TNNI3K: variants seen among roughly 807,000 people sequenced by gnomAD.
TNNI3K encodes serine/threonine-protein kinase TNNI3K.
TNNI3K carries 140 observed loss-of-function variants against 114.5 expected under a neutral mutation model. The ratio of observed to expected loss-of-function variants is 1.22; its 90% CI spans 1.07 to 1.41. The LOEUF (loss-of-function observed/expected upper bound fraction) is 1.41. TNNI3K is among the 40% of genes most tolerant of loss of function. TNNI3K has a pLI of 0.00. For missense variants in TNNI3K, 1,125 were observed against 1,007.6 expected (o/e 1.12, Z -1.58); for synonymous variants, 347 against 347.5 (o/e 1.00, Z 0.02).
intron 17 of TNNI3K, among the ~76,000 whole-genome samples, chr1:74,407,512 A>T (rs1664672867): frequency 2.0e-5 from 3 of 152,206 alleles, no homozygotes; most frequent in African/African-American, 7.2e-5. Context: ...TGCATTTGGC[A>T]CAGTCATAGA....
intron 2 of TNNI3K, among the ~76,000 whole-genome samples, chr1:74,238,739 G>C (rs945964721): frequency 6.6e-6 from 1 of 152,000 alleles, no homozygotes; most frequent in Admixed American, 6.6e-5. Flanking sequence ...TGGAGAGAAA[G>C]ACCAATAGCC....
rs144233115 is a variant in TNNI3K at position 74,337,447 on chromosome 1, A to T, written c.682+1298A>T. ...GCCCATGCCTATGTCCTGAATGGTA[A>T]TGCCTAGGTTTTCTTCTAGGGTTTT... On this transcript the variant is annotated intron_variant, in intron 7 of 24. Coordinates refer to ENST00000326637, the MANE Select transcript of TNNI3K (RefSeq NM_015978.3). Among the ~76,000 whole-genome samples the T allele has an allele frequency of 5.5e-3, 841 of 151,970 alleles. 3 individuals carry two copies. The highest frequency in any genetic ancestry group is 0.015 in the African/African-American group (633 of 41,460).
intron 23 of TNNI3K, among the ~76,000 whole-genome samples, chr1:74,524,488 T>A (rs1646476469): frequency 6.6e-6 from 1 of 152,186 alleles, no homozygotes; most frequent in Admixed American, 6.5e-5. Flanking sequence ...AACTTCTCCC[T>A]ATTAAAAAAT....
chr1:74,489,146 C>G (rs750796160), intron 21 of TNNI3K, 43 bp from the exon 22 acceptor site: 1 of 1,561,666 alleles, frequency 6.4e-7, no homozygotes, highest in East Asian at 2.3e-5. Flanking sequence ...GAGTCTCCTT[C>G]CTTTTATTCT....
At chr1:74,472,067 G>A (rs1667961082) in intron 21 of TNNI3K, 1 of 716,352 alleles carries the variant, frequency 1.4e-6, no homozygotes, top group Admixed American at 2.0e-5. Flanking sequence ...CTTTGCCTAT[G>A]AGGGTGTAAG....
intron 9 of TNNI3K, chr1:74,346,301 G>C (rs1185426434): frequency 3.3e-5 from 5 of 152,026 alleles, no homozygotes; most frequent in Non-Finnish European, 5.9e-5. Flanking sequence ...GACAGTAGAT[G>C]GTTTTACCAG....
intron 22 of TNNI3K, among the ~76,000 whole-genome samples, chr1:74,491,268 G>A (rs538433635): frequency 3.4e-4 from 52 of 152,306 alleles, no homozygotes; most frequent in Admixed American, 9.2e-4. Flanking sequence ...TCTCCAGGCT[G>A]GAGTGCAGTG....
intron 20 of TNNI3K, among the ~76,000 whole-genome samples, chr1:74,460,794 C>G (rs1011159750): frequency 2.0e-5 from 3 of 152,202 alleles, no homozygotes; most frequent in African/African-American, 7.2e-5. Flanking sequence ...GTGCTTAAAG[C>G]AAAGGGGAGG....
At chr1:74,449,413 AG>A (rs1426578738) in intron 20 of TNNI3K, among the ~76,000 whole-genome samples, 1 of 151,846 alleles carries the variant, frequency 6.6e-6, no homozygotes, top group African/African-American at 2.4e-5. Context: ...TCAAAAAACC[AG>A]CTCCTGGATT....
At chr1:74,494,138 C>T (rs1669216035) in intron 23 of TNNI3K, among the ~76,000 whole-genome samples, 1 of 152,084 alleles carries the variant, frequency 6.6e-6, no homozygotes, top group Non-Finnish European at 1.5e-5. Flanking sequence ...ACGTGAGCAC[C>T]AAAGCATTTG....
rs557610833 is a variant in TNNI3K, at chr1:74,241,881, G to A, written c.149+5671G>A. Among the ~76,000 whole-genome samples the A allele has an allele frequency of 1.2e-4, 17 of 141,718 alleles. No homozygotes were observed. In the East Asian group the frequency reaches 2.5e-3, roughly 21 times the overall value. 93.0% of individuals were successfully genotyped at this position (141,718 alleles called of 152,430 possible). On this transcript the variant is annotated intron_variant, in intron 2 of 24. Coordinates refer to ENST00000326637, the MANE Select transcript of TNNI3K (RefSeq NM_015978.3). ...TTTTTTTTTTTTCAGACGGAGTCTC[G>A]CTCTGTCGCCCAGGCTGGAGTGCAG...
intron 17 of TNNI3K, among the ~76,000 whole-genome samples, chr1:74,412,960 G>A (rs926302112): frequency 6.6e-6 from 1 of 152,158 alleles, no homozygotes; most frequent in Non-Finnish European, 1.5e-5. Context: ...TACACCATAA[G>A]TTCTCTCTTG....
At chr1:74,518,797 T>G (rs1325127771) in intron 23 of TNNI3K, among the ~76,000 whole-genome samples, 1 of 152,020 alleles carries the variant, frequency 6.6e-6, no homozygotes, top group Non-Finnish European at 1.5e-5. Flanking sequence ...AAATATGGAT[T>G]ATTTAAGGAG....
At chr1:74,449,440 T>G (rs1666882343) in intron 20 of TNNI3K, among the ~76,000 whole-genome samples, 3 of 152,192 alleles carry the variant, frequency 2.0e-5, no homozygotes, top group South Asian at 4.1e-4. Context: ...ATTTTTTGAA[T>G]GGTTTTTTGT....
intron 20 of TNNI3K, among the ~76,000 whole-genome samples, chr1:74,443,529 C>CA (rs952180750): frequency 2.0e-5 from 3 of 151,524 alleles, no homozygotes; most frequent in Admixed American, 6.6e-5. Context: ...AGCCTATCAA[C>CA]AAAAAAAAGC....
chr1:74,427,498 G>A (rs1665693965), intron 17 of TNNI3K, among the ~76,000 whole-genome samples: 1 of 151,878 alleles, frequency 6.6e-6, no homozygotes, highest in Non-Finnish European at 1.5e-5. Context: ...ACCAATTGTT[G>A]GAAGTCAAAA....
intron 20 of TNNI3K, among the ~76,000 whole-genome samples, chr1:74,460,508 A>T (rs916665224): frequency 7.9e-5 from 12 of 152,344 alleles, no homozygotes; most frequent in Admixed American, 4.6e-4. Context: ...TTCTCCTTTA[A>T]TGGCAAAGTC....
At chr1:74,361,740 G>T (rs1357761158) in intron 11 of TNNI3K, among the ~76,000 whole-genome samples, 2 of 152,118 alleles carry the variant, frequency 1.3e-5, no homozygotes, top group African/African-American at 2.4e-5. Flanking sequence ...AGTAATCATG[G>T]AAGGGGAAGG....
intron 9 of TNNI3K, among the ~76,000 whole-genome samples, chr1:74,344,297 A>G (rs973914105): frequency 1.3e-5 from 2 of 152,204 alleles, no homozygotes; most frequent in South Asian, 2.1e-4. Flanking sequence ...AATCCTTACA[A>G]CATTTTATGA....
Sources: allele counts gnomAD v4.1 joint callset (sites outside exome capture counted in the v4.1 genomes callset), GRCh38; gene constraint gnomAD v4.1.1; transcripts MANE v1.5; gene names NCBI Gene and HGNC (gene_info 2026-07-23, HGNC 2026-07-21).